The following ADAMTSL1 variants were observed in gnomAD, a reference collection of about 807,000 sequenced individuals.
ADAMTSL1 encodes the protein ADAMTS-like protein 1.
In ADAMTSL1, 126 loss-of-function variants were observed where a neutral mutation model predicts 201.8. That is an observed-to-expected ratio of 0.62 (90% CI 0.54 to 0.72). The LOEUF is 0.72. ADAMTSL1 is among the 30% of genes least tolerant of loss of function. The pLI, the probability that ADAMTSL1 is intolerant of heterozygous loss-of-function variation, is 0.00. For missense variants in ADAMTSL1, 2,679 were observed against 2,277.8 expected (o/e 1.18, Z -3.59); for synonymous variants, 1,121 against 903.4 (o/e 1.24, Z -4.32).
chr9:18,343,320 A>G (rs1415915329), intron 2 of ADAMTSL1, among the ~76,000 whole-genome samples: 1 of 151,868 alleles, frequency 6.6e-6, no homozygotes, highest in Non-Finnish European at 1.5e-5. Flanking sequence ...CTAAGTCTCT[A>G]CTTCTGTGCT....
intron 5 of ADAMTSL1, among the ~76,000 whole-genome samples, chr9:18,626,134 A>G (rs1028483001): frequency 6.6e-6 from 1 of 152,228 alleles, no homozygotes; most frequent in Middle Eastern, 3.2e-3. Context: ...TCAAGGATAT[A>G]TTCATTCAAC....
intron 1 of ADAMTSL1, among the ~76,000 whole-genome samples, chr9:17,936,616 G>A (rs565887094): frequency 2.0e-5 from 3 of 152,136 alleles, no homozygotes; most frequent in Non-Finnish European, 2.9e-5. Context: ...GGATTATATC[G>A]TGGTCTCTCC....
chr9:18,393,790 C>T (rs1817629746), intron 2 of ADAMTSL1, among the ~76,000 whole-genome samples: 3 of 152,110 alleles, frequency 2.0e-5, no homozygotes, highest in Non-Finnish European at 4.4e-5. Context: ...TCCTGGCAGC[C>T]ATCCCACAAC....
At chr9:18,255,156 G>C (rs1483815015) in intron 2 of ADAMTSL1, among the ~76,000 whole-genome samples, 4 of 152,070 alleles carry the variant, frequency 2.6e-5, no homozygotes, top group Non-Finnish European at 5.9e-5. Flanking sequence ...ACAAATTCCA[G>C]CTTTTGGTGT....
intron 20 of ADAMTSL1, among the ~76,000 whole-genome samples, chr9:18,800,442 T>A: frequency 7.2e-6 from 1 of 138,702 alleles, no homozygotes; most frequent in Admixed American, 7.5e-5. Flanking sequence ...CTGGGCCACA[T>A]GGTAATAGCG....
At chr9:17,933,942 G>T (rs916762499) in intron 1 of ADAMTSL1, among the ~76,000 whole-genome samples, 1 of 152,112 alleles carries the variant, frequency 6.6e-6, no homozygotes, top group African/African-American at 2.4e-5. Context: ...TCTATTTTTG[G>T]TGGGCTGTTT....
In ADAMTSL1 at chr9:18,795,511, C is replaced by A; in HGVS notation, c.3792C>A (p.Ala1264=). The change falls in exon 20 of 29, where the codon GCC becomes GCA. Residue 1264 remains alanine (A), a synonymous_variant. Coordinates refer to ENST00000380548, the MANE Select transcript of ADAMTSL1 (RefSeq NM_001040272.6). The part of the protein sequence containing the change: ...NALGYDSVSI[A]VTLAGKPLVK... The stretch of plus-strand genomic sequence containing the variant: ...TGGGATACGACTCTGTCTCCATTGC[C>A]GTCACATTAGCAGGTAACCCAAAAA... The A allele has an allele frequency of 6.2e-7, 1 of 1,612,460 alleles. No homozygotes were observed. Among genetic ancestry groups the A allele is most frequent in the Non-Finnish European group, 8.5e-7 (1 of 1,179,196 alleles).
At chr9:18,385,372 T>C (rs189706473) in intron 2 of ADAMTSL1, among the ~76,000 whole-genome samples, 1 of 152,300 alleles carries the variant, frequency 6.6e-6, no homozygotes, top group Admixed American at 6.5e-5. Context: ...TTACTCATTC[T>C]ATGGTTAAAT....
intron 2 of ADAMTSL1, among the ~76,000 whole-genome samples, chr9:18,515,351 T>C (rs556555610): frequency 6.6e-6 from 1 of 152,342 alleles, no homozygotes; most frequent in Admixed American, 6.5e-5. Flanking sequence ...TGTTTGTTTT[T>C]TGAGACAAGG....
chr9:18,477,062 A>C (rs1821489546), intron 1 of ADAMTSL1, among the ~76,000 whole-genome samples: 1 of 152,166 alleles, frequency 6.6e-6, no homozygotes, highest in African/African-American at 2.4e-5. Context: ...ATTTCATTTG[A>C]TATTCAGGTG....
chr9:18,789,115 T>C (rs1821878281), intron 19 of ADAMTSL1, among the ~76,000 whole-genome samples: 1 of 152,232 alleles, frequency 6.6e-6, no homozygotes, highest in African/African-American at 2.4e-5. Context: ...AATCTCTACA[T>C]TTCTCATTTC....
intron 2 of ADAMTSL1, among the ~76,000 whole-genome samples, chr9:18,258,942 A>G (rs1270551249): frequency 6.6e-6 from 1 of 152,288 alleles, no homozygotes; most frequent in African/African-American, 2.4e-5. Context: ...TCCAGTGAAC[A>G]TTCCTCAGTC....
intron 2 of ADAMTSL1, among the ~76,000 whole-genome samples, chr9:18,385,726 T>C (rs952328274): frequency 6.6e-6 from 1 of 152,178 alleles, no homozygotes; most frequent in African/African-American, 2.4e-5. Context: ...AAGCAAAAAA[T>C]TAATTCTTAA....
At chr9:18,174,126 G>A (rs1428116854) in intron 2 of ADAMTSL1, among the ~76,000 whole-genome samples, 1 of 152,096 alleles carries the variant, frequency 6.6e-6, no homozygotes, top group African/African-American at 2.4e-5. Context: ...AAAACCACTT[G>A]AGGCACCAAA....
intron 1 of ADAMTSL1, among the ~76,000 whole-genome samples, chr9:18,011,632 A>G (rs1010637558): frequency 2.6e-5 from 4 of 152,058 alleles, no homozygotes; most frequent in African/African-American, 9.7e-5. Flanking sequence ...CGTAGCTGTC[A>G]AATAGAGAAT....
At chr9:17,930,203 G>A (rs1826720997) in intron 1 of ADAMTSL1, among the ~76,000 whole-genome samples, 1 of 152,230 alleles carries the variant, frequency 6.6e-6, no homozygotes, top group East Asian at 1.9e-4. Context: ...TGCTCTTCAA[G>A]CACCTGGTTT....
intron 13 of ADAMTSL1, among the ~76,000 whole-genome samples, chr9:18,685,910 C>T (rs1312089010): frequency 1.3e-5 from 2 of 151,216 alleles, no homozygotes; most frequent in Non-Finnish European, 2.9e-5. Context: ...CATTAGAAAA[C>T]ACTTTTTTTC....
At chr9:17,988,780 C>A (rs555551133) in intron 1 of ADAMTSL1, among the ~76,000 whole-genome samples, 1 of 151,758 alleles carries the variant, frequency 6.6e-6, no homozygotes, top group Non-Finnish European at 1.5e-5. Context: ...ACATAGTGAA[C>A]GTGTTAGAAT....
Position 18,389,682 on chromosome 9 carries a change from T to A in ADAMTSL1, c.208-115147T>A, listed in dbSNP as rs970798494. On this transcript the variant is annotated intron_variant, in intron 2 of 29. Transcript: ENST00000680146. Reference sequence around the variant, plus strand: ...AAAATTAAGCTACACATTCTCTTCATCAATATATTAATTTCTGAACACAGG... The same window carrying A: ...AAAATTAAGCTACACATTCTCTTCAACAATATATTAATTTCTGAACACAGG... Among the ~76,000 whole-genome samples, 5 of 152,208 alleles carry A rather than the reference T, an allele frequency of 3.3e-5. No individual in the cohort carries two copies. The East Asian group carries it at 7.7e-4, about 23-fold the overall frequency.
Sources: allele counts gnomAD v4.1 joint callset (sites outside exome capture counted in the v4.1 genomes callset), GRCh38; gene constraint gnomAD v4.1.1; transcripts MANE v1.5; gene names NCBI Gene and HGNC (gene_info 2026-07-23, HGNC 2026-07-21).